AXL: variants seen among roughly 807,000 people sequenced by gnomAD.
AXL encodes AXL receptor tyrosine kinase.
In AXL, 52 loss-of-function variants were observed where a neutral mutation model predicts 104.5. The ratio of observed to expected loss-of-function variants is 0.50; its 90% CI spans 0.40 to 0.63. The LOEUF (loss-of-function observed/expected upper bound fraction) is 0.63, where lower values mean the gene tolerates loss of function less well. Ranked by LOEUF, AXL falls within the 20% of genes least tolerant of loss-of-function variation. The pLI is 0.00. For synonymous variants in AXL, 455 were observed against 473.7 expected (o/e 0.96, Z 0.51); for missense variants, 1,024 against 1,188.5 (o/e 0.86, Z 2.04).
chr19:41,244,922 G>A (rs1392237758), intron 12 of AXL, among the ~76,000 whole-genome samples: 2 of 148,746 alleles, frequency 1.3e-5, no homozygotes, highest in Non-Finnish European at 3.0e-5. Context: ...CTTTTGCTCT[G>A]AAGTCTATAC....
At chr19:41,224,418 G>A (rs1459822490) in intron 4 of AXL, among the ~76,000 whole-genome samples, 1 of 151,856 alleles carries the variant, frequency 6.6e-6, no homozygotes, top group Non-Finnish European at 1.5e-5. Context: ...TGTAACCCAG[G>A]CTGGAGTGCA....
chr19:41,248,005 C>T (rs2034299289), intron 12 of AXL, among the ~76,000 whole-genome samples: 1 of 152,190 alleles, frequency 6.6e-6, no homozygotes, highest in Non-Finnish European at 1.5e-5. Flanking sequence ...TCATTGCAAC[C>T]TCTGTCTCTT....
chr19:41,219,292 A>T lies in AXL; in HGVS notation c.-101A>T. Reference sequence around the variant, plus strand: ...GCCGCTGTGCCAGGCAGGCAGTGCCAAATCCGGGGAGCCTGGAGCTGGGGG... The same window carrying T: ...GCCGCTGTGCCAGGCAGGCAGTGCCTAATCCGGGGAGCCTGGAGCTGGGGG... On this transcript the variant is annotated 5_prime_UTR_variant, in exon 1 of 20. Transcript: ENST00000301178. 1.6e-6 allele frequency: 2 copies of T among 1,222,842 alleles called. No individual in the cohort carries two copies. The highest frequency in any genetic ancestry group is 2.3e-6 in the Non-Finnish European group (2 of 886,922). 75.7% of individuals were successfully genotyped at this position (1,222,842 alleles called of 1,614,324 possible).
Position 41,221,864 on chromosome 19 carries a change from C to G in AXL, c.410-16C>G. 1.2e-6 allele frequency: 2 copies of G among 1,612,404 alleles called. No homozygotes were observed. Among genetic ancestry groups the G allele is most frequent in the Non-Finnish European group, 1.7e-6 (2 of 1,179,384 alleles). On this transcript the variant is annotated splice_polypyrimidine_tract_variant and intron_variant, in intron 3 of 19. Coordinates refer to ENST00000301178, the MANE Select transcript of AXL (RefSeq NM_021913.5). The stretch of plus-strand genomic sequence containing the variant: ...CTCAGAGGGACCCCAGCCTCTACCA[C>G]TGCCCACCCCGCTAGGCTTGCCTTA...
intron 12 of AXL, among the ~76,000 whole-genome samples, chr19:41,247,406 G>A (rs1464913519): frequency 6.6e-6 from 1 of 152,180 alleles, no homozygotes; most frequent in Non-Finnish European, 1.5e-5. Context: ...GGGAGGCTGA[G>A]GCAGGAGAAT....
At chr19:41,247,899 TA>T (rs2034297555) in intron 12 of AXL, among the ~76,000 whole-genome samples, 3 of 47,612 alleles carry the variant, frequency 6.3e-5, no homozygotes, top group African/African-American at 4.5e-4. Flanking sequence ...GAAATATTTT[TA>T]TTTTATTTTA....
Position 41,231,222 on chromosome 19 carries a change from G to A in AXL, c.707G>A (p.Arg236His), listed in dbSNP as rs767654945. Residue 236 changes from arginine to histidine, a missense_variant, in exon 6 of 20, where the codon CGC (arginine) becomes CAC (histidine). Around this residue, in one of 5 missense-constraint regions of AXL, gnomAD observed 332 missense variants for 343.9 expected, o/e 0.97. Transcript: ENST00000301178. ...QQPRNLHLVS[R>H]QPTELEVAWT... ...CCCCGTAACCTCCACCTGGTCTCCC[G>A]CCAACCCACGGAGCTGGAGGTGGCT... 6.2e-6 allele frequency: 10 copies of A among 1,613,642 alleles called. No individual in the cohort carries two copies. Among genetic ancestry groups the A allele is most frequent in the Middle Eastern group, 1.6e-4 (1 of 6,076 alleles).
intron 4 of AXL, among the ~76,000 whole-genome samples, chr19:41,225,068 A>C (rs1245614058): frequency 6.6e-6 from 1 of 152,110 alleles, no homozygotes; most frequent in African/African-American, 2.4e-5. Context: ...CAGTGGCACG[A>C]TCTTGGCTTA....
rs769722294 is a variant in AXL, at chr19:41,259,742, C to T, written c.2523C>T (p.Asp841=). The part of the protein sequence containing the change: ...PEPPGAAGGA[D]PPTQPDPKDS... ...CCCCTGGAGCTGCAGGAGGAGCTGACCCCCCAACCCAGCCAGACCCTAAGG... is the reference window on the plus strand; with the variant it reads ...CCCCTGGAGCTGCAGGAGGAGCTGATCCCCCAACCCAGCCAGACCCTAAGG... The change falls in exon 20 of 20, where the codon GAC becomes GAT. Residue 841 remains aspartate, a synonymous_variant. Transcript: ENST00000301178. The T allele has an allele frequency of 1.9e-6, 3 of 1,613,922 alleles. No homozygotes were observed. The highest frequency in any genetic ancestry group is 1.1e-5 in the South Asian group (1 of 91,084).
rs1186827441 is a variant in AXL at position 41,247,444 on chromosome 19, G to A, written c.1538-1070G>A. Among the ~76,000 whole-genome samples, 6 of 152,068 alleles carry A rather than the reference G, an allele frequency of 3.9e-5. No homozygotes were observed. The South Asian group carries it at 8.3e-4, about 21-fold the overall frequency. ...CTTGAACCTGAGAGGCGGAGGTTGC[G>A]GTGAGCCGAGATTGCGCCATCGCAC... On this transcript the variant is annotated intron_variant, in intron 12 of 19. Coordinates refer to ENST00000301178, the MANE Select transcript of AXL (RefSeq NM_021913.5).
chr19:41,252,351 T>C lies in AXL; in HGVS notation c.1712T>C (p.Ile571Thr). The C allele has an allele frequency of 6.2e-7, 1 of 1,613,554 alleles. No individual in the cohort carries two copies. The highest frequency in any genetic ancestry group is 8.5e-7 in the Non-Finnish European group (1 of 1,179,764). Residue 571 changes from isoleucine to threonine, a missense_variant and splice_region_variant, in exon 15 of 20, where the codon ATT becomes ACT. This residue lies in a region of AXL where 523 missense variants were observed against 636.0 expected (regional missense o/e 0.82). Transcript: ENST00000301178. ...TCACGACCTTTCTCTCTCCCTCAAG[T>C]TGCCATCTGCACGAGGTCAGAGCTG... is the stretch of plus-strand genomic sequence containing the variant. The part of the protein sequence containing the change: ...ILKVAVKTMK[I>T]AICTRSELED...
chr19:41,225,081 G>C (rs1222640307), intron 4 of AXL, among the ~76,000 whole-genome samples: 1 of 152,198 alleles, frequency 6.6e-6, no homozygotes, highest in Admixed American at 6.5e-5. Context: ...TTGGCTTACT[G>C]TAACTTCCGC....
At chr19:41,230,272 G>C (rs2033955816) in intron 4 of AXL, among the ~76,000 whole-genome samples, 2 of 151,200 alleles carry the variant, frequency 1.3e-5, no homozygotes, top group South Asian at 2.1e-4. Context: ...GTGTGAGTCT[G>C]TGTGAGCATG....
chr19:41,222,716 C>T (rs1003870742), intron 4 of AXL, among the ~76,000 whole-genome samples: 17 of 150,570 alleles, frequency 1.1e-4, no homozygotes, highest in Non-Finnish European at 2.5e-4. Flanking sequence ...ACCATCCTGG[C>T]TAACACGGTG....
At chr19:41,236,451 G>A (rs986295947) in intron 6 of AXL, among the ~76,000 whole-genome samples, 4 of 150,590 alleles carry the variant, frequency 2.7e-5, no homozygotes, top group Non-Finnish European at 4.4e-5. Flanking sequence ...GCAGTGAGCC[G>A]AAATCACGCC....
At chr19:41,241,527 C>T (rs1437592622) in intron 10 of AXL, among the ~76,000 whole-genome samples, 3 of 109,420 alleles carry the variant, frequency 2.7e-5, no homozygotes, top group South Asian at 2.8e-4. Context: ...CTGGGCAACA[C>T]AGCAAGACTC....
chr19:41,248,403 G>C, intron 12 of AXL, 111 bp from the exon 13 acceptor site: 1 of 1,082,112 alleles, frequency 9.2e-7, no homozygotes, highest in Non-Finnish European at 1.4e-6. Context: ...TTTTAAATCA[G>C]TGCAGAAGTA....
At chr19:41,231,814 C>G (rs756527865) in intron 6 of AXL, among the ~76,000 whole-genome samples, 2 of 151,810 alleles carry the variant, frequency 1.3e-5, no homozygotes, top group Non-Finnish European at 2.9e-5. Flanking sequence ...GTAGTCCCAG[C>G]TACTGGGGAG....
chr19:41,223,472 TG>T (rs1379990482), intron 4 of AXL, among the ~76,000 whole-genome samples: 1 of 152,042 alleles, frequency 6.6e-6, no homozygotes, highest in Non-Finnish European at 1.5e-5. Flanking sequence ...TTCTCCCTAC[TG>T]AAGGAGGAAA....
Sources: gnomAD v4.1 joint callset for allele counts (sites outside exome capture counted in the v4.1 genomes callset) on GRCh38, gnomAD v4.1.1 for gene constraint, gnomAD v4.1.1 regional missense constraint, MANE v1.5 for transcripts, NCBI Gene and HGNC (gene_info 2026-07-23, HGNC 2026-07-21) for gene names.